KMT2A: variants seen among roughly 807,000 people sequenced by gnomAD.
KMT2A encodes the protein lysine methyltransferase 2A.
KMT2A carries 16 observed loss-of-function variants against 345.3 expected under a neutral mutation model. The observed-to-expected ratio is 0.05, with a 90% CI of 0.03 to 0.07. The LOEUF (loss-of-function observed/expected upper bound fraction) is 0.07. Among genes scored for constraint, KMT2A ranks in the 10% least tolerant of loss-of-function variants. The pLI is 1.00. For synonymous variants in KMT2A, 1,599 were observed against 1,778.6 expected, an observed-to-expected ratio of 0.90 and a Z score of 2.54; for missense variants, 3,272 against 4,841.6, an observed-to-expected ratio of 0.68 and a Z score of 9.62.
At chr11:118,439,158 C>CAAAAAAAAAAAAAGAAAAAA in intron 1 of KMT2A, 3 of 265,450 alleles carry the variant, frequency 1.1e-5, no homozygotes, top group East Asian at 9.3e-5. Flanking sequence ...GATACAGCAG[C>CAAAAAAAAAAAAAGAAAAAA]AAAAAAAAAA....
rs150022687 is a variant in KMT2A at position 118,443,582 on chromosome 11, G to T, written c.432+6638G>T. Among the ~76,000 whole-genome samples the T allele has an allele frequency of 2.0e-5, 3 of 152,308 alleles. No individual in the cohort carries two copies. In the East Asian group the frequency reaches 5.8e-4, roughly 29 times the overall value. The stretch of plus-strand genomic sequence containing the variant: ...CCAAAACTTCTAAGAGGCCAAGCTT[G>T]GTTTAACTTTTAGATGTTGAATTGA... On this transcript the variant is annotated intron_variant, in intron 1 of 35. Coordinates refer to ENST00000534358, the MANE Select transcript of KMT2A (RefSeq NM_001197104.2).
In KMT2A at chr11:118,493,769, A is replaced by G. The variant is rs1950361832; in HGVS notation, c.5179-519A>G. 3.3e-5 allele frequency among the ~76,000 whole-genome samples: 5 copies of G among 151,982 alleles called. No homozygotes were observed. The highest frequency in any genetic ancestry group is 3.3e-4 in the Admixed American group (5 of 15,254). On this transcript the variant is annotated intron_variant, in intron 16 of 35. Coordinates refer to ENST00000534358, the MANE Select transcript of KMT2A (RefSeq NM_001197104.2). The surrounding 1 kb of genome is among the most constrained non-coding windows in gnomAD (Gnocchi z 5.8). The stretch of plus-strand genomic sequence containing the variant: ...CTGTTACCCAGGCTGGCATGCAGTG[A>G]CATGATCTCGGCTCACTGCAACCTC...
In KMT2A at chr11:118,498,634, C is replaced by A; in HGVS notation, c.5961+106C>A. The A allele has an allele frequency of 8.9e-7, 1 of 1,126,612 alleles. No individual in the cohort carries two copies. Among genetic ancestry groups the A allele is most frequent in the Non-Finnish European group, 1.2e-6 (1 of 803,078 alleles). 69.8% of individuals were successfully genotyped at this position (1,126,612 alleles called of 1,614,324 possible). A position where few individuals can be genotyped will look rare whatever the true frequency, so the allele number is the denominator to read the frequency against. On this transcript the variant is annotated intron_variant, in intron 22 of 35. Coordinates refer to ENST00000534358, the MANE Select transcript of KMT2A (RefSeq NM_001197104.2). This position sits in a 1 kb window ranked among gnomAD's most constrained non-coding sequence, Gnocchi z 4.4. The stretch of plus-strand genomic sequence containing the variant: ...AAGGTACAGAGATTTCCCATATGCC[C>A]CCTGCACCCACATATGCACAGCCTC...
At chr11:118,451,599 G>A (rs1034517614) in intron 1 of KMT2A, among the ~76,000 whole-genome samples, 1 of 151,724 alleles carries the variant, frequency 6.6e-6, no homozygotes, top group Non-Finnish European at 1.5e-5. Context: ...ATGTTAGCCA[G>A]GCTGGTCTCG....
intron 1 of KMT2A, among the ~76,000 whole-genome samples, chr11:118,464,539 CAAAA>C (rs35564663): frequency 6.2e-5 from 4 of 65,040 alleles, no homozygotes; most frequent in African/African-American, 5.5e-5. Context: ...AACTCTGTCT[CAAAA>C]AAAAAAAAAA....
chr11:118,452,839 G>A (rs1555029424), intron 1 of KMT2A, among the ~76,000 whole-genome samples: 1 of 151,662 alleles, frequency 6.6e-6, no homozygotes, highest in Non-Finnish European at 1.5e-5. Context: ...TCACCATATT[G>A]GCCAGGCTGG....
chr11:118,437,794 G>A (rs1949226405), intron 1 of KMT2A, among the ~76,000 whole-genome samples: 1 of 152,094 alleles, frequency 6.6e-6, no homozygotes, highest in Admixed American at 6.5e-5. Context: ...CATCTTGGAG[G>A]GGAAAATAGT....
chr11:118,509,826 A>C lies in KMT2A; in HGVS notation c.10901-122A>C, dbSNP rs1031581891. On this transcript the variant is annotated intron_variant, in intron 29 of 35. Transcript: ENST00000534358. The stretch of plus-strand genomic sequence containing the variant: ...CTTGGGTTTGTTATCTATAAATGGG[A>C]ATAATAAACCAACTGTGGAATGTTG... The C allele has an allele frequency of 5.8e-6, 4 of 690,362 alleles. No individual in the cohort carries two copies. In the African/African-American group the frequency reaches 7.4e-5, roughly 13 times the overall value. The allele number at this position is 690,362 out of a possible 1,614,324, so 42.8% of individuals were successfully genotyped here. A position where few individuals can be genotyped will look rare whatever the true frequency, so the allele number is the denominator to read the frequency against.
Position 118,519,583 on chromosome 11 carries a change from G to A in KMT2A, c.11147-35G>A, listed in dbSNP as rs187379713. The A allele has an allele frequency of 1.1e-4, 179 of 1,589,832 alleles. 2 individuals are homozygous for A. The Admixed American group carries it at 2.5e-3, about 22-fold the overall frequency. On this transcript the variant is annotated intron_variant, in intron 31 of 35. Coordinates refer to ENST00000534358, the MANE Select transcript of KMT2A (RefSeq NM_001197104.2). ...GACCATGCTGTTTCCTGTTGACTGC[G>A]CTCCTCACTTCCCTGGTGCTTCTGA... is the stretch of plus-strand genomic sequence containing the variant.
intron 1 of KMT2A, among the ~76,000 whole-genome samples, chr11:118,460,412 C>T (rs1156684329): frequency 2.6e-5 from 4 of 151,630 alleles, no homozygotes; most frequent in East Asian, 2.0e-4. Flanking sequence ...CTCAGCCTCC[C>T]GAGTAGCTGG....
intron 31 of KMT2A, among the ~76,000 whole-genome samples, chr11:118,514,581 C>T (rs369139972): frequency 5.3e-5 from 8 of 151,572 alleles, no homozygotes; most frequent in Non-Finnish European, 8.9e-5. Context: ...GCTGGGACTA[C>T]AGGCGCATGC....
At chr11:118,437,286 C>CTCCT (rs1949209291) in intron 1 of KMT2A, among the ~76,000 whole-genome samples, 1 of 151,772 alleles carries the variant, frequency 6.6e-6, no homozygotes, top group Non-Finnish European at 1.5e-5. Context: ...AGCAAGATTC[C>CTCCT]TCCCTCCCTC....
At chr11:118,456,038 C>T (rs142963699) in intron 1 of KMT2A, among the ~76,000 whole-genome samples, 74 of 152,064 alleles carry the variant, frequency 4.9e-4, no homozygotes, top group African/African-American at 1.8e-3. Flanking sequence ...CAAGTCATCT[C>T]CCTTTGTTGC....
intron 1 of KMT2A, chr11:118,458,054 A>ATT: frequency 1.9e-5 from 5 of 269,216 alleles, no homozygotes; most frequent in Admixed American, 4.5e-5. Flanking sequence ...CTCCCTATGC[A>ATT]TTTTTTTTTG....
intron 1 of KMT2A, among the ~76,000 whole-genome samples, chr11:118,438,619 C>T (rs1206692412): frequency 6.6e-6 from 1 of 152,140 alleles, no homozygotes; most frequent in African/African-American, 2.4e-5. Context: ...CCTGGGCAAA[C>T]CCCTTGTCCC....
chr11:118,522,105 T>C lies in KMT2A; in HGVS notation c.11852T>C (p.Ile3951Thr), dbSNP rs1555053746. The change falls in exon 36 of 36, where the codon ATT becomes ACT. Residue 3951 changes from isoleucine (I) to threonine (T), a missense_variant. Physicochemically the swap from Ile to Thr is moderately conservative, Grantham distance 89. Around this residue, in one of 27 missense-constraint regions of KMT2A, gnomAD observed 78 missense variants for 254.5 expected, o/e 0.31. Transcript: ENST00000534358. This position sits in a 1 kb window ranked among gnomAD's most constrained non-coding sequence, Gnocchi z 5.4. ...CTCACTTACGACTATAAGTTCCCCATTGAGGATGCCAGCAACAAGCTGCCC... is the reference window on the plus strand; with the variant it reads ...CTCACTTACGACTATAAGTTCCCCACTGAGGATGCCAGCAACAAGCTGCCC... ...EELTYDYKFP[I>T]EDASNKLPCN... The C allele has an allele frequency of 6.2e-7, 1 of 1,614,072 alleles. No homozygotes were observed. Among genetic ancestry groups the C allele is most frequent in the Non-Finnish European group, 8.5e-7 (1 of 1,180,054 alleles).
chr11:118,501,533 C>A, intron 25 of KMT2A, 139 bp from the exon 26 acceptor site: 2 of 671,328 alleles, frequency 3.0e-6, no homozygotes, highest in Non-Finnish European at 4.9e-6. Context: ...TGATTGAAAG[C>A]TGGGGGAAAA....
chr11:118,454,575 A>G (rs929866526), intron 1 of KMT2A, among the ~76,000 whole-genome samples: 1 of 152,226 alleles, frequency 6.6e-6, no homozygotes, highest in Non-Finnish European at 1.5e-5. Context: ...TAGGCAATAC[A>G]GATGCTCCCC....
chr11:118,523,648 C>A lies in KMT2A; in HGVS notation c.*1476C>A. 4.4e-6 allele frequency: 1 copy of A among 227,818 alleles called. No individual in the cohort carries two copies. Among genetic ancestry groups the A allele is most frequent in the East Asian group, 6.3e-5 (1 of 15,752 alleles). 14.1% of individuals were successfully genotyped at this position (227,818 alleles called of 1,614,324 possible). A position where few individuals can be genotyped will look rare whatever the true frequency, so the allele number is the denominator to read the frequency against. On this transcript the variant is annotated 3_prime_UTR_variant, in exon 36 of 36. Transcript: ENST00000534358. ...TATGACAAGGCTATTTTTTAAACCG[C>A]GGTATTATCCTAATTTAAAAGAAGA...
Sources: gnomAD v4.1 joint callset for allele counts (sites outside exome capture counted in the v4.1 genomes callset) on GRCh38, gnomAD v4.1.1 for gene constraint, gnomAD v4.1.1 regional missense constraint, Gnocchi (gnomAD v3.1) non-coding constraint, MANE v1.5 for transcripts, NCBI Gene and HGNC (gene_info 2026-07-23, HGNC 2026-07-21) for gene names.